The following EPB41L4B variants were observed in gnomAD, a reference collection of about 807,000 sequenced individuals.
EPB41L4B encodes the protein erythrocyte membrane protein band 4.1 like 4B, also known as band 4.1-like protein 4B.
EPB41L4B carries 30 observed loss-of-function variants against 112.5 expected under a neutral mutation model. The ratio of observed to expected loss-of-function variants is 0.27; its 90% CI spans 0.20 to 0.36. The LOEUF (loss-of-function observed/expected upper bound fraction) is 0.36. Ranked by LOEUF, EPB41L4B falls within the 10% of genes least tolerant of loss-of-function variation. The probability of loss-of-function intolerance (pLI) is 1.00; values close to 1 mark genes in which losing one functional copy is unlikely to be tolerated. For missense variants in EPB41L4B, 1,024 were observed against 1,133.3 expected (o/e 0.90, Z 1.38); for synonymous variants, 408 against 439.7 (o/e 0.93, Z 0.90).
At chr9:109,258,481 A>T (rs755035732) in intron 6 of EPB41L4B, among the ~76,000 whole-genome samples, 184 bp from the exon 7 acceptor site, 17 of 152,184 alleles carry the variant, frequency 1.1e-4, no homozygotes, top group Admixed American at 6.5e-5. Flanking sequence ...AAAATCCTAG[A>T]AGCATTCTAA....
At chr9:109,280,116 T>A (rs140472043) in intron 1 of EPB41L4B, among the ~76,000 whole-genome samples, 195 bp from the exon 2 acceptor site, 1 of 152,370 alleles carries the variant, frequency 6.6e-6, no homozygotes, top group East Asian at 1.9e-4. Context: ...CATAATAGCA[T>A]AAAGTTAAGA....
At chr9:109,230,165 G>C (rs1487601524) in intron 15 of EPB41L4B, among the ~76,000 whole-genome samples, 1 of 152,178 alleles carries the variant, frequency 6.6e-6, no homozygotes, top group African/African-American at 2.4e-5. Context: ...ACCATTTGAA[G>C]AAAGGACAAT....
intron 1 of EPB41L4B, among the ~76,000 whole-genome samples, chr9:109,315,371 G>A (rs1837593930): frequency 6.6e-6 from 1 of 152,086 alleles, no homozygotes; most frequent in African/African-American, 2.4e-5. Context: ...TGTGCTCTGG[G>A]AATTTTAATG....
Position 109,320,448 on chromosome 9 carries a change from C to T in EPB41L4B, c.-2G>A. The T allele has an allele frequency of 1.0e-6, 1 of 990,078 alleles. No individual in the cohort carries two copies. The highest frequency in any genetic ancestry group is 1.2e-6 in the Non-Finnish European group (1 of 835,228). 61.3% of individuals were successfully genotyped at this position (990,078 alleles called of 1,614,324 possible). A position where few individuals can be genotyped will look rare whatever the true frequency, so the allele number is the denominator to read the frequency against. ...GGTCCGGCGCAGGAACCGCAGCATC[C>T]TGGCTGGGGGCGCCCCCTGCCTCCG... On this transcript the variant is annotated 5_prime_UTR_variant, in exon 1 of 26. Transcript: ENST00000374566.
intron 6 of EPB41L4B, among the ~76,000 whole-genome samples, chr9:109,262,026 T>G (rs1256762960): frequency 6.6e-6 from 1 of 152,196 alleles, no homozygotes; most frequent in Admixed American, 6.5e-5. Flanking sequence ...TACACATTAG[T>G]ATTCTCTTAA....
chr9:109,294,639 T>C (rs542330076), intron 1 of EPB41L4B, among the ~76,000 whole-genome samples: 2 of 150,854 alleles, frequency 1.3e-5, no homozygotes, highest in Non-Finnish European at 2.9e-5. Context: ...AAAATAATAA[T>C]TGTTCGTTTT....
chr9:109,268,246 AG>A (rs2119084477), intron 3 of EPB41L4B, 144 bp downstream of exon 3: 1 of 763,842 alleles, frequency 1.3e-6, no homozygotes, highest in African/African-American at 1.8e-5. Flanking sequence ...GCTAGCCTTA[AG>A]AAATTAAAAA....
intron 15 of EPB41L4B, among the ~76,000 whole-genome samples, chr9:109,220,276 GAGCAGGAT>G (rs1363267033): frequency 6.6e-6 from 1 of 152,220 alleles, no homozygotes; most frequent in Non-Finnish European, 1.5e-5. Context: ...GTGGTTGAAA[GAGCAGGAT>G]GTCTGGAGAA....
At chr9:109,212,563 G>C (rs533539961) in intron 17 of EPB41L4B, among the ~76,000 whole-genome samples, 3 of 152,316 alleles carry the variant, frequency 2.0e-5, no homozygotes, top group African/African-American at 7.2e-5. Flanking sequence ...CCTGCTGAGG[G>C]ATTATGGGAA....
intron 15 of EPB41L4B, chr9:109,239,803 T>A (rs1011660176): frequency 4.1e-6 from 4 of 984,952 alleles, no homozygotes; most frequent in Non-Finnish European, 4.8e-6. Flanking sequence ...AGATAAGGGT[T>A]TGGATGCCTT....
intron 23 of EPB41L4B, among the ~76,000 whole-genome samples, chr9:109,184,014 C>T (rs1832165336): frequency 6.6e-6 from 1 of 152,256 alleles, no homozygotes; most frequent in African/African-American, 2.4e-5. Flanking sequence ...TTTCTTTGGT[C>T]TCTTTACACA....
intron 25 of EPB41L4B, among the ~76,000 whole-genome samples, chr9:109,175,938 A>G (rs1831808849): frequency 6.6e-6 from 1 of 152,158 alleles, no homozygotes; most frequent in South Asian, 2.1e-4. Flanking sequence ...CTTTCTCTAT[A>G]GCCCTTTTCA....
At chr9:109,193,748 G>A (rs1362548617) in intron 21 of EPB41L4B, among the ~76,000 whole-genome samples, 1 of 152,132 alleles carries the variant, frequency 6.6e-6, no homozygotes, top group African/African-American at 2.4e-5. Context: ...TCACATCTCA[G>A]GCAATTTCCT....
chr9:109,254,411 TAAAAC>T (rs1053347254), intron 11 of EPB41L4B, among the ~76,000 whole-genome samples: 5 of 135,708 alleles, frequency 3.7e-5, no homozygotes, highest in Non-Finnish European at 6.3e-5. Context: ...TTGGAGCATT[TAAAAC>T]AAAATAATTC....
chr9:109,238,862 G>A lies in EPB41L4B; in HGVS notation c.1409+4756C>T, dbSNP rs866838983. On this transcript the variant is annotated intron_variant, in intron 15 of 25. Coordinates refer to ENST00000374566, the MANE Select transcript of EPB41L4B (RefSeq NM_019114.5). The stretch of plus-strand genomic sequence containing the variant: ...AGGCACAGATGTGAGTAACAGCAGG[G>A]TGTGGCACATGCCAGGAACCACAAG... Among the ~76,000 whole-genome samples, 3 of 152,214 alleles carry A rather than the reference G, an allele frequency of 2.0e-5. No homozygotes were observed. The South Asian group carries it at 6.2e-4, about 32-fold the overall frequency.
At chr9:109,254,434 A>T (rs1317281381) in intron 11 of EPB41L4B, among the ~76,000 whole-genome samples, 2 of 146,212 alleles carry the variant, frequency 1.4e-5, no homozygotes, top group Non-Finnish European at 3.0e-5. Context: ...TTCTTTAAAC[A>T]GAAGTTCATA....
At chr9:109,290,055 T>C (rs968010877) in intron 1 of EPB41L4B, among the ~76,000 whole-genome samples, 1 of 152,162 alleles carries the variant, frequency 6.6e-6, no homozygotes, top group Non-Finnish European at 1.5e-5. Flanking sequence ...TGTCCGATGG[T>C]AACTTCAAAC....
intron 16 of EPB41L4B, 148 bp downstream of exon 16, chr9:109,216,774 C>T: frequency 1.3e-6 from 1 of 784,380 alleles, no homozygotes; most frequent in Admixed American, 2.1e-5. Flanking sequence ...AGGCTCTTGT[C>T]TACTCTGGCC....
chr9:109,213,800 G>C lies in EPB41L4B; in HGVS notation c.1652C>G (p.Pro551Arg). ...KSLTKLSPGT[P>R]ALFSEAAAHL... ...GGCAGCGGCTTCACTGAACAAGGCA[G>C]GTGTTCCTGGACTCAGTTCTACAAA... is the stretch of plus-strand genomic sequence containing the variant. The change falls in exon 17 of 26, where the codon CCT becomes CGT. Residue 551 changes from proline to arginine, a missense_variant. By Grantham distance (103) the Pro-to-Arg change is moderately radical. Coordinates refer to ENST00000374566, the MANE Select transcript of EPB41L4B (RefSeq NM_019114.5). 1 of 1,614,110 alleles carries C rather than the reference G, an allele frequency of 6.2e-7. No individual in the cohort carries two copies. The highest frequency in any genetic ancestry group is 1.1e-5 in the South Asian group (1 of 91,074).
Sources: allele counts gnomAD v4.1 joint callset (sites outside exome capture counted in the v4.1 genomes callset), GRCh38; gene constraint gnomAD v4.1.1; transcripts MANE v1.5; gene names NCBI Gene and HGNC (gene_info 2026-07-23, HGNC 2026-07-21).